Variants in NFAM1 observed in about 807,000 individuals in gnomAD.
NFAM1 encodes the protein NFAT activation molecule 1.
A neutral mutation model predicts 29.0 loss-of-function variants in NFAM1; 17 were observed. That is an observed-to-expected ratio of 0.59 (90% CI 0.40 to 0.88). NFAM1 has a LOEUF of 0.88. Ranked by LOEUF, NFAM1 falls within the 40% of genes least tolerant of loss-of-function variation. NFAM1 has a pLI of 0.00. For missense variants in NFAM1, 324 were observed against 344.6 expected (o/e 0.94, Z 0.47); for synonymous variants, 175 against 147.2 (o/e 1.19, Z -1.36).
chr22:42,401,083 A>G (rs1451476660), intron 3 of NFAM1, among the ~76,000 whole-genome samples: 7 of 152,250 alleles, frequency 4.6e-5, no homozygotes, highest in Admixed American at 4.6e-4. Flanking sequence ...TCTGTCAGTG[A>G]GACTGATGGG....
chr22:42,431,908 C>T (rs1028536596), intron 1 of NFAM1, among the ~76,000 whole-genome samples: 1 of 152,010 alleles, frequency 6.6e-6, no homozygotes, highest in Non-Finnish European at 1.5e-5. Context: ...GGGGAGCTGT[C>T]CCTCCCCCCT....
chr22:42,385,034 G>C lies in NFAM1; in HGVS notation c.*127C>G. On this transcript the variant is annotated 3_prime_UTR_variant, in exon 6 of 6. Transcript: ENST00000329021. Reference sequence around the variant, plus strand: ...GGCCGGCCAAGACAGGAAGGGCCTTGAATGTGAGGGTGAAATGATGGGGTG... The same window carrying C: ...GGCCGGCCAAGACAGGAAGGGCCTTCAATGTGAGGGTGAAATGATGGGGTG... 1 of 768,604 alleles carries C rather than the reference G, an allele frequency of 1.3e-6. No individual in the cohort carries two copies. The highest frequency in any genetic ancestry group is 2.3e-6 in the Non-Finnish European group (1 of 425,728). 47.6% of individuals were successfully genotyped at this position (768,604 alleles called of 1,614,324 possible). A position where few individuals can be genotyped will look rare whatever the true frequency, so the allele number is the denominator to read the frequency against.
In NFAM1 at chr22:42,388,203, G is replaced by A. The variant is rs371668418; in HGVS notation, c.664-1125C>T. On this transcript the variant is annotated intron_variant, in intron 4 of 5. Transcript: ENST00000329021. The surrounding 1 kb of genome is among the most constrained non-coding windows in gnomAD (Gnocchi z 4.1). ...TCAGACAAGAGTAGGTTCGAATCTC[G>A]GCTCTGACTGCGCCAGCCAAAGGCA... 6.4e-4 allele frequency among the ~76,000 whole-genome samples: 66 copies of A among 103,822 alleles called. No individual in the cohort carries two copies. The highest frequency in any genetic ancestry group is 1.9e-3 in the African/African-American group (45 of 23,676). The allele number at this position is 103,822 out of a possible 152,430, so 68.1% of individuals were successfully genotyped here. A position where few individuals can be genotyped will look rare whatever the true frequency, so the allele number is the denominator to read the frequency against.
At chr22:42,416,144 C>T (rs547108723) in intron 1 of NFAM1, among the ~76,000 whole-genome samples, 33 of 152,302 alleles carry the variant, frequency 2.2e-4, no homozygotes, top group African/African-American at 6.0e-4. Flanking sequence ...AACACCACGA[C>T]GATCCTAGGC....
intron 4 of NFAM1, among the ~76,000 whole-genome samples, chr22:42,392,410 C>A (rs1929375318): frequency 6.6e-6 from 1 of 151,730 alleles, no homozygotes; most frequent in Non-Finnish European, 1.5e-5. Flanking sequence ...CAATGGTGAC[C>A]CTGAGAAGGA....
Position 42,381,043 on chromosome 22 carries a change from A to G in NFAM1, c.*4118T>C, listed in dbSNP as rs1928928435. 6.6e-6 allele frequency: 1 copy of G among 152,652 alleles called. No homozygotes were observed. The allele number at this position is 152,652 out of a possible 1,614,324, so 9.5% of individuals were successfully genotyped here. ...TGGAAATGTTTGCTGAGGAGGGGCC[A>G]CCGTTTACCGCACCCACTGCAAGTT... On this transcript the variant is annotated 3_prime_UTR_variant, in exon 6 of 6. Coordinates refer to ENST00000329021, the MANE Select transcript of NFAM1 (RefSeq NM_145912.8).
chr22:42,395,793 G>A (rs1929501179), intron 4 of NFAM1, among the ~76,000 whole-genome samples: 1 of 148,202 alleles, frequency 6.7e-6, no homozygotes, highest in African/African-American at 2.5e-5. Flanking sequence ...TGAGGCAAGA[G>A]AATGGCATGA....
At chr22:42,414,680 C>T (rs901252666) in intron 1 of NFAM1, among the ~76,000 whole-genome samples, 4 of 151,974 alleles carry the variant, frequency 2.6e-5, no homozygotes, top group African/African-American at 4.8e-5. Context: ...CCACTGCCCC[C>T]TCTGTGTACC....
intron 4 of NFAM1, among the ~76,000 whole-genome samples, chr22:42,394,935 T>G (rs1470002845): frequency 6.6e-6 from 1 of 151,928 alleles, no homozygotes; most frequent in Non-Finnish European, 1.5e-5. Flanking sequence ...CTGGGCAATA[T>G]AGTGAGACCT....
intron 3 of NFAM1, among the ~76,000 whole-genome samples, chr22:42,407,156 A>G (rs1379048009): frequency 6.7e-6 from 1 of 148,180 alleles, no homozygotes; most frequent in African/African-American, 2.5e-5. Flanking sequence ...ATCTCAACTC[A>G]CTAAAATCTC....
intron 1 of NFAM1, among the ~76,000 whole-genome samples, chr22:42,415,354 C>G (rs181241396): frequency 7.2e-6 from 1 of 139,694 alleles, no homozygotes; most frequent in African/African-American, 2.8e-5. Flanking sequence ...GGCTGGAGTG[C>G]GATGGCGCGA....
At chr22:42,412,890 A>C (rs540240228) in intron 1 of NFAM1, among the ~76,000 whole-genome samples, 194 of 152,322 alleles carry the variant, frequency 1.3e-3, no homozygotes, top group African/African-American at 4.6e-3. Context: ...TGACAAAGCC[A>C]GTTTTGTAGG....
At chr22:42,429,277 G>A (rs1022961438) in intron 1 of NFAM1, among the ~76,000 whole-genome samples, 4 of 152,204 alleles carry the variant, frequency 2.6e-5, no homozygotes, top group Admixed American at 6.5e-5. Context: ...GAGGCATAGC[G>A]ATAGAAGTAA....
In NFAM1 at chr22:42,432,260, A is replaced by T; in HGVS notation, c.98T>A (p.Leu33Gln). ...APWLLLGVLL[L>Q]PGTLRLAGGQ... ...ACCTGCCAGTCGCAGGGTCCCGGGCAGCAGCAGCACGCCAAGGAGGAGCCA... is the reference window on the plus strand; with the variant it reads ...ACCTGCCAGTCGCAGGGTCCCGGGCTGCAGCAGCACGCCAAGGAGGAGCCA... Residue 33 changes from leucine to glutamine, a missense_variant, in exon 1 of 6, where the codon CTG (leucine) becomes CAG (glutamine). Transcript: ENST00000329021. 1 of 1,573,030 alleles carries T rather than the reference A, an allele frequency of 6.4e-7. No homozygotes were observed. Among genetic ancestry groups the T allele is most frequent in the South Asian group, 1.2e-5 (1 of 86,086 alleles).
chr22:42,417,027 C>T (rs1030912925), intron 1 of NFAM1, among the ~76,000 whole-genome samples: 3 of 152,116 alleles, frequency 2.0e-5, no homozygotes, highest in Non-Finnish European at 2.9e-5. Flanking sequence ...CACGCAACAC[C>T]GCAAGCACGC....
chr22:42,422,207 G>A (rs996379245), intron 1 of NFAM1, among the ~76,000 whole-genome samples: 6 of 152,226 alleles, frequency 3.9e-5, no homozygotes, highest in African/African-American at 9.6e-5. Context: ...TACGGTGGCC[G>A]CTCGGGGACA....
At chr22:42,434,001 C>T (rs938584885), upstream of NFAM1, among the ~76,000 whole-genome samples, 17 of 152,094 alleles carry the variant, frequency 1.1e-4, no homozygotes, top group African/African-American at 2.9e-4. Context: ...CAAACTGCCT[C>T]GGAACAAGGG....
chr22:42,384,998 G>T lies in NFAM1; in HGVS notation c.*163C>A. The T allele has an allele frequency of 1.4e-6, 1 of 694,372 alleles. No homozygotes were observed. The highest frequency in any genetic ancestry group is 2.6e-6 in the Non-Finnish European group (1 of 384,610). The allele number at this position is 694,372 out of a possible 1,614,324, so 43.0% of individuals were successfully genotyped here. ...CCTTGGTGGTTGGGGCATAGAATGG[G>T]GGGGCAGTGGGGCCGGCCAAGACAG... On this transcript the variant is annotated 3_prime_UTR_variant, in exon 6 of 6. Transcript: ENST00000329021.
chr22:42,400,261 C>T (rs1929682467), intron 3 of NFAM1, among the ~76,000 whole-genome samples: 1 of 152,182 alleles, frequency 6.6e-6, no homozygotes. Flanking sequence ...TCTGCTGGGA[C>T]TTGTCCTTAT....
Sources: allele counts gnomAD v4.1 joint callset (sites outside exome capture counted in the v4.1 genomes callset), GRCh38; gene constraint gnomAD v4.1.1; non-coding constraint Gnocchi (gnomAD v3.1); transcripts MANE v1.5; gene names NCBI Gene and HGNC (gene_info 2026-07-23, HGNC 2026-07-21).